The following UBP1 variants were observed in gnomAD, a reference collection of about 807,000 sequenced individuals.
The protein encoded by UBP1 is upstream-binding protein 1.
UBP1 carries 22 observed loss-of-function variants against 76.1 expected under a neutral mutation model. The ratio of observed to expected loss-of-function variants is 0.29; its 90% CI spans 0.21 to 0.41. The LOEUF is 0.41. Among genes scored for constraint, UBP1 ranks in the 10% least tolerant of loss-of-function variants. The pLI is 1.00. For missense variants in UBP1, 436 were observed against 668.1 expected, an observed-to-expected ratio of 0.65 and a Z score of 3.83; for synonymous variants, 224 against 237.1, an observed-to-expected ratio of 0.94 and a Z score of 0.51.
chr3:33,428,807 CA>C (rs374441678), intron 1 of UBP1, among the ~76,000 whole-genome samples: 3,653 of 93,592 alleles, frequency 0.039, 47 homozygotes, highest in African/African-American at 0.066. Flanking sequence ...TCCTACGTCT[CA>C]AAAAAAAAAA....
intron 15 of UBP1, chr3:33,390,601 A>G: frequency 1.8e-6 from 1 of 565,746 alleles, no homozygotes; most frequent in South Asian, 2.1e-5. Context: ...CAACGCCCGC[A>G]TTCCAACACT....
intron 1 of UBP1, 144 bp downstream of exon 1, chr3:33,439,592 C>T: frequency 1.1e-6 from 1 of 878,916 alleles, no homozygotes; most frequent in South Asian, 1.9e-5. Flanking sequence ...TCCATGGCCC[C>T]CGACCGCCAC....
intron 15 of UBP1, chr3:33,392,345 A>C: frequency 2.1e-6 from 1 of 465,212 alleles, no homozygotes; most frequent in Non-Finnish European, 3.7e-6. Context: ...TGGCTGAATG[A>C]ATTGAGATTT....
chr3:33,436,376 A>T (rs2045205101), intron 1 of UBP1, among the ~76,000 whole-genome samples: 1 of 152,220 alleles, frequency 6.6e-6, no homozygotes, highest in Non-Finnish European at 1.5e-5. Flanking sequence ...CAACATAGGA[A>T]ATCTGTCATT....
At chr3:33,407,416 A>G (rs2044456495) in intron 8 of UBP1, among the ~76,000 whole-genome samples, 1 of 152,106 alleles carries the variant, frequency 6.6e-6, no homozygotes, top group Non-Finnish European at 1.5e-5. Context: ...ATCCCCCCCA[A>G]AGAAGTTTAC....
intron 15 of UBP1, chr3:33,392,278 A>G (rs1323922501): frequency 1.9e-5 from 6 of 316,972 alleles, no homozygotes; most frequent in East Asian, 1.1e-4. Flanking sequence ...GTTTTATTCA[A>G]TAGATCCACT....
intron 3 of UBP1, among the ~76,000 whole-genome samples, chr3:33,413,140 T>C (rs1013244388): frequency 1.3e-5 from 2 of 152,164 alleles, no homozygotes; most frequent in East Asian, 1.9e-4. Context: ...AAGAATTACA[T>C]TCCTATAAAG....
rs150827282 is a variant in UBP1 at position 33,434,523 on chromosome 3, G to C, written c.113+5213C>G. ...CCTGGTCTCAAACTCCCGACCTCAG[G>C]TGATCCACCTGCCTCAGCCTCCCAA... On this transcript the variant is annotated intron_variant, in intron 1 of 15. Transcript: ENST00000283629. Among the ~76,000 whole-genome samples, 1,442 of 151,156 alleles carry C rather than the reference G, an allele frequency of 9.5e-3. 9 individuals carry two copies. Among genetic ancestry groups the C allele is most frequent in the Non-Finnish European group, 0.013 (887 of 67,774 alleles).
chr3:33,430,752 C>T (rs895468501), intron 1 of UBP1, among the ~76,000 whole-genome samples: 3 of 152,150 alleles, frequency 2.0e-5, no homozygotes, highest in African/African-American at 7.2e-5. Context: ...ACACGGAATG[C>T]AGCTGCGGAA....
At chr3:33,392,313 C>T (rs944123355) in intron 15 of UBP1, 2 of 396,916 alleles carry the variant, frequency 5.0e-6, no homozygotes, top group Non-Finnish European at 8.9e-6. Flanking sequence ...CGGTGTCTGA[C>T]ACAAAGTGCT....
At position 33,440,001 on chromosome 3, in the gene UBP1, G is replaced by A. The variant is rs1457452968; in HGVS notation, c.-153C>T. On this transcript the variant is annotated 5_prime_UTR_variant, in exon 1 of 16. Coordinates refer to ENST00000283629, the MANE Select transcript of UBP1 (RefSeq NM_014517.5). The stretch of plus-strand genomic sequence containing the variant: ...GCGGCGGCCGGGACGAGAGCTGCGG[G>A]GGCCCCACTGGCAGGGCACGACGAG... The A allele has an allele frequency of 4.2e-6, 3 of 720,370 alleles. No individual in the cohort carries two copies. The highest frequency in any genetic ancestry group is 1.9e-5 in the African/African-American group (1 of 52,480). 44.6% of individuals were successfully genotyped at this position (720,370 alleles called of 1,614,324 possible).
intron 2 of UBP1, among the ~76,000 whole-genome samples, chr3:33,419,615 G>GGA (rs1369324433): frequency 7.0e-6 from 1 of 143,782 alleles, no homozygotes; most frequent in Non-Finnish European, 1.5e-5. Context: ...GCAACAAGAG[G>GGA]GAGACTCCAT....
intron 3 of UBP1, chr3:33,414,297 G>C (rs953707): frequency 6.6e-6 from 1 of 152,032 alleles, no homozygotes; most frequent in Non-Finnish European, 1.5e-5. Context: ...AGGAGGGCGG[G>C]AGAGAGGAAA....
chr3:33,416,955 A>T, intron 2 of UBP1, 121 bp from the exon 3 acceptor site: 3 of 812,292 alleles, frequency 3.7e-6, no homozygotes, highest in Non-Finnish European at 5.9e-6. Flanking sequence ...TTAATTTGCT[A>T]CGGAAGCAAA....
chr3:33,433,644 C>T (rs1350261034), intron 1 of UBP1, among the ~76,000 whole-genome samples: 2 of 151,652 alleles, frequency 1.3e-5, no homozygotes, highest in African/African-American at 2.4e-5. Context: ...CAGAACAAGA[C>T]TCCACATCTC....
intron 3 of UBP1, 65 bp from the exon 4 acceptor site, chr3:33,412,892 T>C: frequency 9.6e-7 from 1 of 1,037,458 alleles, no homozygotes; most frequent in South Asian, 1.3e-5. Flanking sequence ...GGACCATTTC[T>C]ACTTCTTATG....
chr3:33,424,572 T>C (rs192579325), intron 2 of UBP1, among the ~76,000 whole-genome samples: 31 of 152,340 alleles, frequency 2.0e-4, no homozygotes, highest in African/African-American at 7.0e-4. Flanking sequence ...TATTTCCCAG[T>C]TTTTCTACAA....
chr3:33,437,668 A>G (rs1007512530), intron 1 of UBP1, among the ~76,000 whole-genome samples: 3 of 152,218 alleles, frequency 2.0e-5, no homozygotes, highest in Non-Finnish European at 4.4e-5. Flanking sequence ...TTGAAAGATA[A>G]GCTTTCCTTC....
chr3:33,402,866 A>G lies in UBP1; in HGVS notation c.966T>C (p.Asn322=), dbSNP rs751021111. Reference sequence around the variant, plus strand: ...AAGTGGGCGCTGGGGAAGGGCTGTTATTCACATAGGCTGTGGGGGCATCGG... The same window carrying G: ...AAGTGGGCGCTGGGGAAGGGCTGTTGTTCACATAGGCTGTGGGGGCATCGG... ...PWPDAPTAYV[N]NSPSPAPTFT... is the part of the protein sequence containing the mutation. The change falls in exon 9 of 16, where the codon AAT becomes AAC. Residue 322 remains asparagine, a synonymous_variant. Transcript: ENST00000283629. 1 of 1,610,798 alleles carries G rather than the reference A, an allele frequency of 6.2e-7. No homozygotes were observed. Among genetic ancestry groups the G allele is most frequent in the South Asian group, 1.1e-5 (1 of 90,174 alleles).
Sources: allele counts gnomAD v4.1 joint callset (sites outside exome capture counted in the v4.1 genomes callset), GRCh38; gene constraint gnomAD v4.1.1; transcripts MANE v1.5; gene names NCBI Gene and HGNC (gene_info 2026-07-23, HGNC 2026-07-21).